Variants in PHF14 observed in about 807,000 individuals in gnomAD.
PHF14 encodes the protein PHD finger protein 14.
PHF14 carries 55 observed loss-of-function variants against 117.9 expected under a neutral mutation model. The observed-to-expected ratio is 0.47, with a 90% CI of 0.38 to 0.58. The LOEUF is 0.58. PHF14 is among the 20% of genes least tolerant of loss of function. The probability of loss-of-function intolerance (pLI) is 0.00; values close to 1 mark genes in which losing one functional copy is unlikely to be tolerated. For synonymous variants in PHF14, 409 were observed against 368.6 expected, an observed-to-expected ratio of 1.11 and a Z score of -1.26; for missense variants, 978 against 1,122.2, an observed-to-expected ratio of 0.87 and a Z score of 1.84.
intron 16 of PHF14, chr7:11,110,127 G>A (rs969172289): frequency 6.6e-6 from 1 of 151,778 alleles, no homozygotes; most frequent in African/African-American, 2.4e-5. Flanking sequence ...CTTTTATTAT[G>A]ATGGTTTCTT....
intron 17 of PHF14, among the ~76,000 whole-genome samples, chr7:11,140,880 T>C (rs773653790): frequency 7.2e-5 from 11 of 152,160 alleles, no homozygotes; most frequent in Non-Finnish European, 1.3e-4. Context: ...GTCTTTGATA[T>C]ATGGTCAGTT....
intron 17 of PHF14, among the ~76,000 whole-genome samples, chr7:11,167,831 C>T (rs1006030156): frequency 6.6e-6 from 1 of 152,004 alleles, no homozygotes; most frequent in Admixed American, 6.6e-5. Context: ...AGATCGAGAC[C>T]ATCCTGGCTA....
At chr7:11,104,224 A>G (rs769933887) in intron 16 of PHF14, 105 of 984,296 alleles carry the variant, frequency 1.1e-4, no homozygotes, top group Non-Finnish European at 1.2e-4. Context: ...TCCATCTTGC[A>G]TTTTCAGTGG....
At chr7:11,038,098 G>T (rs1026639362) in intron 10 of PHF14, among the ~76,000 whole-genome samples, 2 of 152,114 alleles carry the variant, frequency 1.3e-5, no homozygotes, top group Non-Finnish European at 2.9e-5. Flanking sequence ...TCTCTCAGTG[G>T]TATTGTGGCT....
At chr7:11,009,465 C>A (rs977321296) in intron 4 of PHF14, among the ~76,000 whole-genome samples, 1 of 151,514 alleles carries the variant, frequency 6.6e-6, no homozygotes, top group Non-Finnish European at 1.5e-5. Flanking sequence ...TCTGTGTTAC[C>A]CATTGGAAAC....
At chr7:11,062,770 G>A in intron 16 of PHF14, 1 of 985,232 alleles carries the variant, frequency 1.0e-6, no homozygotes, top group Non-Finnish European at 1.2e-6. Context: ...ATTGATCAAA[G>A]CTCTGGTGAG....
intron 17 of PHF14, among the ~76,000 whole-genome samples, chr7:11,165,068 G>A (rs537219451): frequency 2.2e-4 from 33 of 152,242 alleles, no homozygotes; most frequent in African/African-American, 7.7e-4. Flanking sequence ...GGGACTATAG[G>A]CGCCCGCCAC....
intron 6 of PHF14, among the ~76,000 whole-genome samples, chr7:11,025,806 AAAAG>A (rs1375634669): frequency 6.6e-6 from 1 of 151,726 alleles, no homozygotes; most frequent in African/African-American, 2.4e-5. Context: ...AAAAAAAAGA[AAAAG>A]AAAAAGAAAG....
At chr7:11,142,977 G>A (rs1211104280) in intron 17 of PHF14, among the ~76,000 whole-genome samples, 1 of 152,042 alleles carries the variant, frequency 6.6e-6, no homozygotes, top group African/African-American at 2.4e-5. Context: ...ATATCTTGTT[G>A]TACAGTGAAA....
At chr7:11,022,572 A>G (rs1409603254) in intron 5 of PHF14, among the ~76,000 whole-genome samples, 4 of 152,176 alleles carry the variant, frequency 2.6e-5, no homozygotes, top group African/African-American at 9.7e-5. Flanking sequence ...ATATTTAAGA[A>G]TAGATAAGTG....
intron 13 of PHF14, among the ~76,000 whole-genome samples, chr7:11,045,729 G>A (rs1784641806): frequency 6.6e-6 from 1 of 152,158 alleles, no homozygotes; most frequent in Admixed American, 6.6e-5. Context: ...GTAATTATTG[G>A]TGGAAGGTAG....
chr7:11,050,171 AG>A (rs1562440423), intron 13 of PHF14, among the ~76,000 whole-genome samples: 1 of 152,236 alleles, frequency 6.6e-6, no homozygotes, highest in African/African-American at 2.4e-5. Context: ...ATTAAATATT[AG>A]TTTAATAAGT....
At chr7:11,117,012 G>C (rs1194199472) in intron 17 of PHF14, among the ~76,000 whole-genome samples, 2 of 151,846 alleles carry the variant, frequency 1.3e-5, no homozygotes, top group African/African-American at 4.8e-5. Flanking sequence ...TCTTGATAAA[G>C]ATCTCAACAA....
rs1785673955 is a variant in PHF14 at position 11,072,922 on chromosome 7, T to C, written c.2654+10837T>C. Among the ~76,000 whole-genome samples the C allele has an allele frequency of 2.6e-5, 4 of 152,260 alleles. No individual in the cohort carries two copies. In the South Asian group the frequency reaches 8.3e-4, roughly 32 times the overall value. Reference sequence around the variant, plus strand: ...TTAAACAACCATCTTTCATGTGAACTAACAGCAAGAATTTGCTTATTCCCA... The same window carrying C: ...TTAAACAACCATCTTTCATGTGAACCAACAGCAAGAATTTGCTTATTCCCA... On this transcript the variant is annotated intron_variant, in intron 16 of 17. Coordinates refer to ENST00000634607, the MANE Select transcript of PHF14 (RefSeq NM_001007157.2).
intron 16 of PHF14, among the ~76,000 whole-genome samples, chr7:11,068,250 C>A (rs1036623065): frequency 1.7e-4 from 25 of 147,648 alleles, no homozygotes; most frequent in African/African-American, 5.5e-4. Flanking sequence ...ACTTGGGAGG[C>A]TGAGGCAGGA....
At chr7:11,060,591 C>G (rs1490619636) in intron 14 of PHF14, among the ~76,000 whole-genome samples, 1 of 152,174 alleles carries the variant, frequency 6.6e-6, no homozygotes, top group Non-Finnish European at 1.5e-5. Context: ...TTCTGCATTT[C>G]TAATAGACAC....
chr7:11,146,936 TC>T (rs778182000), intron 17 of PHF14, among the ~76,000 whole-genome samples: 1 of 152,250 alleles, frequency 6.6e-6, no homozygotes, highest in Middle Eastern at 3.4e-3. Context: ...AGCCTCAACT[TC>T]CTGGGCTCAA....
intron 16 of PHF14, among the ~76,000 whole-genome samples, chr7:11,093,273 C>T (rs1010026405): frequency 3.9e-5 from 6 of 152,078 alleles, no homozygotes; most frequent in African/African-American, 1.4e-4. Flanking sequence ...TTTTCTTTTT[C>T]ATTTTATGTG....
intron 3 of PHF14, among the ~76,000 whole-genome samples, chr7:10,986,607 A>G (rs573130354): frequency 5.9e-5 from 9 of 152,332 alleles, no homozygotes; most frequent in African/African-American, 1.4e-4. Flanking sequence ...GTTTTTGTCA[A>G]TAACCTTATG....
Sources: gnomAD v4.1 joint callset for allele counts (sites outside exome capture counted in the v4.1 genomes callset) on GRCh38, gnomAD v4.1.1 for gene constraint, MANE v1.5 for transcripts, NCBI Gene and HGNC (gene_info 2026-07-23, HGNC 2026-07-21) for gene names.